Variants in SLC25A26 observed in about 807,000 individuals in gnomAD.
The protein encoded by SLC25A26 is solute carrier family 25 member 26.
Under a neutral mutation model 37.8 loss-of-function variants are expected in SLC25A26, and 36 were observed. That is an observed-to-expected ratio of 0.95 (90% confidence interval 0.73 to 1.26). The LOEUF (loss-of-function observed/expected upper bound fraction) is 1.26. SLC25A26 is among the 50% of genes most tolerant of loss of function. The pLI is 0.00. For synonymous variants in SLC25A26, 129 were observed against 122.5 expected (o/e 1.05, Z -0.35); for missense variants, 390 against 331.1 (o/e 1.18, Z -1.38).
intron 8 of SLC25A26, 122 bp downstream of exon 8, chr3:66,369,664 C>A: frequency 1.3e-6 from 1 of 771,256 alleles, no homozygotes; most frequent in Non-Finnish European, 2.1e-6. Context: ...TCTTATGCTG[C>A]CTGTGCAACC....
rs1177785824 is a variant in SLC25A26, at chr3:66,346,395, G to A, written c.485G>A (p.Trp162Ter). Residue 162 changes from tryptophan to a stop codon, truncating the protein, a stop_gained, in exon 6 of 10, where the codon TGG becomes TAG. Coordinates refer to ENST00000354883, the MANE Select transcript of SLC25A26 (RefSeq NM_001379210.1). LOFTEE classifies it high-confidence loss of function. ...TTTTCTTTGGTCCAGTTTCCCTTATGGGAGTCCTTAAAAGTAAGTTTCTCA... is the reference window on the plus strand; with the variant it reads ...TTTTCTTTGGTCCAGTTTCCCTTATAGGAGTCCTTAAAAGTAAGTTTCTCA... ...IPFSLVQFPLWESLKALWSWR... is the reference protein window; with the variant it reads ...IPFSLVQFPL The A allele has an allele frequency of 6.8e-7, 1 of 1,479,250 alleles. No homozygotes were observed. Among genetic ancestry groups the A allele is most frequent in the Non-Finnish European group, 9.0e-7 (1 of 1,109,084 alleles). 91.6% of individuals were successfully genotyped at this position (1,479,250 alleles called of 1,614,324 possible).
At chr3:66,184,472 G>C (rs1260861807) in intron 1 of SLC25A26, among the ~76,000 whole-genome samples, 1 of 104,778 alleles carries the variant, frequency 9.5e-6, no homozygotes, top group Non-Finnish European at 2.0e-5. Context: ...CTATGACCTT[G>C]AAAAGACCCT....
intron 9 of SLC25A26, among the ~76,000 whole-genome samples, chr3:66,376,088 C>A (rs1009127325): frequency 6.7e-6 from 1 of 149,582 alleles, no homozygotes; most frequent in African/African-American, 2.5e-5. Flanking sequence ...CCACCGTAGT[C>A]AGAAGTGGAG....
At chr3:66,328,094 TTGG>T (rs1481911557) in intron 5 of SLC25A26, among the ~76,000 whole-genome samples, 1 of 152,172 alleles carries the variant, frequency 6.6e-6, no homozygotes, top group Non-Finnish European at 1.5e-5. Flanking sequence ...CCATTGGTTG[TTGG>T]TGGTCAGAAT....
intron 1 of SLC25A26, among the ~76,000 whole-genome samples, chr3:66,180,773 T>G (rs904492293): frequency 2.6e-5 from 4 of 152,110 alleles, no homozygotes; most frequent in African/African-American, 9.7e-5. Flanking sequence ...TATTTATCTA[T>G]TGCTTGTCTG....
rs2071259814 is a variant in SLC25A26, at chr3:66,209,911, TATATATATA to T, written c.-353-10830_-353-10822del. ...CTCTCTCTCTATTTATATATATATA[TATATATATA>T]TATATATATATATATATATATATAT... On this transcript the variant is annotated intron_variant, in intron 1 of 10. Transcript: ENST00000676754. Among the ~76,000 whole-genome samples the T allele has an allele frequency of 3.3e-4, 9 of 27,420 alleles. 1 individual carries two copies. The highest frequency in any genetic ancestry group is 1.1e-3 in the African/African-American group (9 of 8,108). The allele number at this position is 27,420 out of a possible 152,430, so 18.0% of individuals were successfully genotyped here.
chr3:66,315,485 CTGTT>C lies in SLC25A26; in HGVS notation c.454-30874_454-30871del, dbSNP rs530013029. 1.9e-4 allele frequency among the ~76,000 whole-genome samples: 29 copies of C among 152,224 alleles called. No individual in the cohort carries two copies. In the South Asian group the frequency reaches 5.2e-3, roughly 27 times the overall value. Reference sequence around the variant, plus strand: ...TTTGATTGCATTGTGGTCTAAGAGACTGTTTGTTATGATTTCAGTTATTTTGCAT... The same window carrying C: ...TTTGATTGCATTGTGGTCTAAGAGACTGTTATGATTTCAGTTATTTTGCAT... On this transcript the variant is annotated intron_variant, in intron 5 of 9. Coordinates refer to ENST00000354883, the MANE Select transcript of SLC25A26 (RefSeq NM_001379210.1).
chr3:66,272,710 C>G (rs1179596330), intron 5 of SLC25A26, among the ~76,000 whole-genome samples: 1 of 152,070 alleles, frequency 6.6e-6, no homozygotes, highest in Non-Finnish European at 1.5e-5. Context: ...ACCTTCATTT[C>G]TTGTTCAAAA....
At chr3:66,325,531 G>A (rs952078181) in intron 5 of SLC25A26, among the ~76,000 whole-genome samples, 1 of 152,212 alleles carries the variant, frequency 6.6e-6, no homozygotes, top group Non-Finnish European at 1.5e-5. Context: ...GAATGTCTAA[G>A]TAGGACACCT....
At chr3:66,231,391 A>AT (rs1432039957) in intron 1 of SLC25A26, among the ~76,000 whole-genome samples, 19 of 152,214 alleles carry the variant, frequency 1.2e-4, no homozygotes, top group Admixed American at 1.1e-3. Flanking sequence ...GGAAGCATGA[A>AT]TTTTGAATGG....
At chr3:66,310,245 G>A (rs1418595088) in intron 5 of SLC25A26, among the ~76,000 whole-genome samples, 8 of 152,186 alleles carry the variant, frequency 5.3e-5, no homozygotes, top group South Asian at 2.1e-4. Flanking sequence ...CCCCTTTGCC[G>A]TTATGTAATG....
At chr3:66,314,463 A>G (rs2075473582) in intron 5 of SLC25A26, among the ~76,000 whole-genome samples, 1 of 152,024 alleles carries the variant, frequency 6.6e-6, no homozygotes, top group African/African-American at 2.4e-5. Flanking sequence ...CTGGGGATGA[A>G]GCCGACTTGA....
intron 1 of SLC25A26, among the ~76,000 whole-genome samples, chr3:66,229,389 C>T (rs1450681581): frequency 1.3e-5 from 2 of 152,066 alleles, no homozygotes; most frequent in Admixed American, 6.6e-5. Context: ...AATTGTAATC[C>T]CCATAATCCC....
chr3:66,312,424 G>A (rs186365619), intron 5 of SLC25A26, among the ~76,000 whole-genome samples: 4 of 152,210 alleles, frequency 2.6e-5, no homozygotes, highest in East Asian at 3.9e-4. Flanking sequence ...TGGGCTCTGT[G>A]GGGGTGGAGC....
chr3:66,341,796 T>C (rs2076215561), intron 5 of SLC25A26, among the ~76,000 whole-genome samples: 1 of 152,222 alleles, frequency 6.6e-6, no homozygotes, highest in Admixed American at 6.5e-5. Flanking sequence ...CTTTTCTTTA[T>C]GTACGGTGTA....
chr3:66,166,202 A>C (rs2070423405), intron 1 of SLC25A26, among the ~76,000 whole-genome samples: 1 of 152,212 alleles, frequency 6.6e-6, no homozygotes, highest in African/African-American at 2.4e-5. Context: ...ATCTGACATC[A>C]GTTTACTAGG....
chr3:66,183,757 G>A (rs933910447), intron 1 of SLC25A26, among the ~76,000 whole-genome samples: 7 of 151,850 alleles, frequency 4.6e-5, no homozygotes, highest in Non-Finnish European at 7.4e-5. Flanking sequence ...ACCATGACCT[G>A]AGCTTGACAC....
chr3:66,176,688 C>G (rs896577664), intron 1 of SLC25A26, among the ~76,000 whole-genome samples: 2 of 152,180 alleles, frequency 1.3e-5, no homozygotes, highest in African/African-American at 4.8e-5. Flanking sequence ...AACATCAGAT[C>G]ATACCTAACC....
intron 1 of SLC25A26, among the ~76,000 whole-genome samples, chr3:66,142,453 T>A (rs1054174227): frequency 6.6e-6 from 1 of 152,192 alleles, no homozygotes; most frequent in Non-Finnish European, 1.5e-5. Flanking sequence ...AAAAGAATTT[T>A]TTTTTATCTT....
Sources: gnomAD v4.1 joint callset for allele counts (sites outside exome capture counted in the v4.1 genomes callset) on GRCh38, gnomAD v4.1.1 for gene constraint, MANE v1.5 for transcripts, NCBI Gene and HGNC (gene_info 2026-07-23, HGNC 2026-07-21) for gene names.